Variants in USP12 observed in about 807,000 individuals in gnomAD.
USP12 encodes ubiquitin carboxyl-terminal hydrolase 12.
USP12 carries 19 observed loss-of-function variants against 45.5 expected under a neutral mutation model. The observed-to-expected ratio is 0.42, with a 90% CI of 0.29 to 0.61. The LOEUF (loss-of-function observed/expected upper bound fraction) is 0.61, where lower values mean the gene tolerates loss of function less well. Among genes scored for constraint, USP12 ranks in the 20% least tolerant of loss-of-function variants. The pLI, the probability that USP12 is intolerant of heterozygous loss-of-function variation, is 0.22. For synonymous variants in USP12, 149 were observed against 148.8 expected, an observed-to-expected ratio of 1.00 and a Z score of -0.01; for missense variants, 242 against 447.7, an observed-to-expected ratio of 0.54 and a Z score of 4.15.
At chr13:27,079,868 G>A (rs1203541824) in intron 6 of USP12, among the ~76,000 whole-genome samples, 1 of 152,156 alleles carries the variant, frequency 6.6e-6, no homozygotes, top group Non-Finnish European at 1.5e-5. Context: ...CAGTTCCAAG[G>A]ACTGAATTCC....
Position 27,138,144 on chromosome 13 carries a change from T to C in USP12, c.49-21548A>G, listed in dbSNP as rs755223835. ...GGCTTACCTACAACAGAAACTGTTATATAACATGAGTTCACTTCAGCTGCT... is the reference window on the plus strand; with the variant it reads ...GGCTTACCTACAACAGAAACTGTTACATAACATGAGTTCACTTCAGCTGCT... On this transcript the variant is annotated intron_variant, in intron 1 of 8. Coordinates refer to ENST00000282344, the MANE Select transcript of USP12 (RefSeq NM_182488.4). 3.3e-5 allele frequency among the ~76,000 whole-genome samples: 5 copies of C among 152,364 alleles called. No individual in the cohort carries two copies. In the South Asian group the frequency reaches 1.0e-3, roughly 32 times the overall value.
chr13:27,162,986 G>A (rs1308756843), intron 1 of USP12: 1 of 152,068 alleles, frequency 6.6e-6, no homozygotes, highest in Non-Finnish European at 1.5e-5. Flanking sequence ...AATAGTGGTT[G>A]TTTAGTTGGC....
chr13:27,149,888 G>A (rs1460179696), intron 1 of USP12, among the ~76,000 whole-genome samples: 3 of 152,222 alleles, frequency 2.0e-5, no homozygotes, highest in Non-Finnish European at 4.4e-5. Flanking sequence ...TCACACTCCT[G>A]AGAATCTAAT....
chr13:27,132,802 C>T lies in USP12; in HGVS notation c.49-16206G>A, dbSNP rs147007834. On this transcript the variant is annotated intron_variant, in intron 1 of 8. Transcript: ENST00000282344. ...CTCTTCTCTGCTCTCTCCACTCTCACGCACTCCTCAGACAAAAGATCACCC... is the reference window on the plus strand; with the variant it reads ...CTCTTCTCTGCTCTCTCCACTCTCATGCACTCCTCAGACAAAAGATCACCC... Among the ~76,000 whole-genome samples the T allele has an allele frequency of 3.7e-3, 571 of 152,318 alleles. 1 individual carries two copies. The highest frequency in any genetic ancestry group is 0.013 in the African/African-American group (542 of 41,568).
intron 1 of USP12, among the ~76,000 whole-genome samples, chr13:27,163,843 A>T (rs529348681): frequency 6.6e-6 from 1 of 152,120 alleles, no homozygotes; most frequent in African/African-American, 2.4e-5. Flanking sequence ...TCTCACCAGA[A>T]AGGGACTGGC....
chr13:27,169,160 C>G (rs927586445), intron 1 of USP12: 3 of 152,074 alleles, frequency 2.0e-5, no homozygotes. Context: ...AGTAAGAGTT[C>G]AAAGAAAAAT....
intron 3 of USP12, among the ~76,000 whole-genome samples, chr13:27,098,132 ACCCCATGTGGCATCATGCAG>A (rs1874686227): frequency 6.6e-6 from 1 of 152,044 alleles, no homozygotes; most frequent in Non-Finnish European, 1.5e-5. Context: ...TACCTCAGCC[ACCCCATGTGGCATCATGCAG>A]CTCAAAAAGT....
At chr13:27,115,864 G>A (rs535608593) in intron 2 of USP12, among the ~76,000 whole-genome samples, 1 of 152,258 alleles carries the variant, frequency 6.6e-6, no homozygotes, top group East Asian at 1.9e-4. Context: ...TTGTACATTT[G>A]TACCATTTAA....
At chr13:27,110,825 C>T (rs1875403786) in intron 2 of USP12, among the ~76,000 whole-genome samples, 1 of 152,038 alleles carries the variant, frequency 6.6e-6, no homozygotes, top group Admixed American at 6.5e-5. Flanking sequence ...CTGGTTATAT[C>T]AATTGAAGAG....
At chr13:27,122,285 G>A (rs1277618824) in intron 1 of USP12, among the ~76,000 whole-genome samples, 1 of 152,050 alleles carries the variant, frequency 6.6e-6, no homozygotes, top group East Asian at 1.9e-4. Context: ...TACGTTTCAT[G>A]AGAACTGGTT....
At chr13:27,148,483 G>A (rs1877409764) in intron 1 of USP12, among the ~76,000 whole-genome samples, 1 of 151,542 alleles carries the variant, frequency 6.6e-6, no homozygotes, top group Non-Finnish European at 1.5e-5. Flanking sequence ...AGACCAGCCT[G>A]ACCAACATAG....
At chr13:27,133,235 C>G (rs1484497149) in intron 1 of USP12, among the ~76,000 whole-genome samples, 1 of 151,680 alleles carries the variant, frequency 6.6e-6, no homozygotes, top group Non-Finnish European at 1.5e-5. Flanking sequence ...ACCACACTCA[C>G]CACACTCACA....
At chr13:27,119,190 G>A (rs1230792220) in intron 1 of USP12, among the ~76,000 whole-genome samples, 2 of 152,094 alleles carry the variant, frequency 1.3e-5, no homozygotes, top group African/African-American at 2.4e-5. Flanking sequence ...TTTCTGCTCC[G>A]TGCAAAAGCT....
At chr13:27,138,433 G>C (rs925801241) in intron 1 of USP12, among the ~76,000 whole-genome samples, 1 of 152,222 alleles carries the variant, frequency 6.6e-6, no homozygotes, top group South Asian at 2.1e-4. Context: ...CTGAGAGATG[G>C]TGTATCCCCT....
At position 27,106,017 on chromosome 13, in the gene USP12, G is replaced by A. The variant is rs1875118855; in HGVS notation, c.130-73C>T. On this transcript the variant is annotated intron_variant, in intron 2 of 8. Coordinates refer to ENST00000282344, the MANE Select transcript of USP12 (RefSeq NM_182488.4). ...TCAAGAGAGAAATTCCCGGTATATG[G>A]TTGAGAACAGAAAGAGATGACAATC... 2.3e-6 allele frequency: 3 copies of A among 1,291,554 alleles called. No individual in the cohort carries two copies. The Admixed American group carries it at 7.3e-5, about 31-fold the overall frequency. The allele number at this position is 1,291,554 out of a possible 1,614,324, so 80.0% of individuals were successfully genotyped here.
intron 1 of USP12, among the ~76,000 whole-genome samples, chr13:27,125,999 C>T (rs1876217884): frequency 6.6e-6 from 1 of 152,266 alleles, no homozygotes; most frequent in African/African-American, 2.4e-5. Context: ...CACCACAGCT[C>T]AGCAAGGCCT....
intron 1 of USP12, among the ~76,000 whole-genome samples, chr13:27,147,463 G>C (rs1877358933): frequency 6.6e-6 from 1 of 152,016 alleles, no homozygotes; most frequent in South Asian, 2.1e-4. Flanking sequence ...TATAACTGAG[G>C]TGTCCAATTT....
At chr13:27,143,383 G>A (rs1392200766) in intron 1 of USP12, among the ~76,000 whole-genome samples, 1 of 152,040 alleles carries the variant, frequency 6.6e-6, no homozygotes, top group Non-Finnish European at 1.5e-5. Context: ...TGTCTTTTCT[G>A]AAGAAACAAC....
intron 1 of USP12, among the ~76,000 whole-genome samples, chr13:27,124,585 G>C (rs1876141806): frequency 6.6e-6 from 1 of 152,172 alleles, no homozygotes; most frequent in Non-Finnish European, 1.5e-5. Flanking sequence ...AGTTAGATCA[G>C]GTCAGTACAC....
Sources: gnomAD v4.1 joint callset for allele counts (sites outside exome capture counted in the v4.1 genomes callset) on GRCh38, gnomAD v4.1.1 for gene constraint, MANE v1.5 for transcripts, NCBI Gene and HGNC (gene_info 2026-07-23, HGNC 2026-07-21) for gene names.